IGFBP2: variants seen among roughly 807,000 people sequenced by gnomAD.
IGFBP2 encodes insulin-like growth factor-binding protein 2.
A neutral mutation model predicts 26.2 loss-of-function variants in IGFBP2; 12 were observed. That is an observed-to-expected ratio of 0.46 (90% CI 0.29 to 0.74). The LOEUF (loss-of-function observed/expected upper bound fraction) is 0.74. Ranked by LOEUF, IGFBP2 falls within the 30% of genes least tolerant of loss-of-function variation. The pLI is 0.09. For missense variants in IGFBP2, 328 were observed against 441.2 expected (o/e 0.74, Z 2.30); for synonymous variants, 189 against 200.6 (o/e 0.94, Z 0.49).
intron 1 of IGFBP2, among the ~76,000 whole-genome samples, chr2:216,644,279 A>AT (rs1178506515): frequency 6.6e-6 from 1 of 151,892 alleles, no homozygotes; most frequent in Non-Finnish European, 1.5e-5. Flanking sequence ...AGGAGGGAAG[A>AT]TTGGGGAGAA....
chr2:216,647,167 G>A lies in IGFBP2; in HGVS notation c.442+13202G>A, dbSNP rs1014480732. On this transcript the variant is annotated intron_variant, in intron 1 of 3. Coordinates refer to ENST00000233809, the MANE Select transcript of IGFBP2 (RefSeq NM_000597.3). ...ATGTTAAATAATGAAGTCCCTTCATGGTAAATAAAGTTATGAAAGTAAGAG... is the reference window on the plus strand; with the variant it reads ...ATGTTAAATAATGAAGTCCCTTCATAGTAAATAAAGTTATGAAAGTAAGAG... Among the ~76,000 whole-genome samples the A allele has an allele frequency of 2.6e-5, 4 of 152,090 alleles. No individual in the cohort carries two copies. The South Asian group carries it at 8.3e-4, about 32-fold the overall frequency.
chr2:216,634,468 G>A (rs1312756254), intron 1 of IGFBP2, among the ~76,000 whole-genome samples: 2 of 152,136 alleles, frequency 1.3e-5, no homozygotes, highest in African/African-American at 4.8e-5. Flanking sequence ...TCCTTCTACT[G>A]GGGTTGTGAG....
chr2:216,649,125 A>G (rs9341152), intron 1 of IGFBP2, among the ~76,000 whole-genome samples: 3,039 of 152,378 alleles, frequency 0.02, 49 homozygotes, highest in South Asian at 0.051. Flanking sequence ...ATCTATATGC[A>G]TATATATGAT....
intron 1 of IGFBP2, among the ~76,000 whole-genome samples, chr2:216,636,662 G>T (rs1271452006): frequency 6.6e-6 from 1 of 152,196 alleles, no homozygotes; most frequent in Non-Finnish European, 1.5e-5. Flanking sequence ...TGTGTTTGGT[G>T]GTGGAGTGGA....
At chr2:216,652,973 A>C (rs1697856854) in intron 1 of IGFBP2, among the ~76,000 whole-genome samples, 1 of 152,220 alleles carries the variant, frequency 6.6e-6, no homozygotes, top group African/African-American at 2.4e-5. Flanking sequence ...AGATTTTAAG[A>C]TAATCATGAG....
Position 216,664,028 on chromosome 2 carries a change from G to A in IGFBP2, c.902G>A (p.Arg301Gln), listed in dbSNP as rs765220501. The A allele has an allele frequency of 2.5e-6, 4 of 1,613,722 alleles. No homozygotes were observed. In the East Asian group the frequency reaches 8.9e-5, roughly 36 times the overall value. Reference sequence around the variant, plus strand: ...CTGATCCAGGGAGCCCCCACCATCCGGGGGGACCCCGAGTGTCATCTCTTC... The same window carrying A: ...CTGATCCAGGGAGCCCCCACCATCCAGGGGGACCCCGAGTGTCATCTCTTC... ...GKLIQGAPTI[R>Q]GDPECHLFYN... The change falls in exon 4 of 4, where the codon CGG (arginine) becomes CAG (glutamine). Residue 301 changes from arginine (R) to glutamine (Q), a missense_variant. Physicochemically the swap from Arg to Gln is conservative, Grantham distance 43. Transcript: ENST00000233809. This position sits in a 1 kb window ranked among gnomAD's most constrained non-coding sequence, Gnocchi z 4.6.
At position 216,664,112 on chromosome 2, in the gene IGFBP2, C is replaced by G. The variant is rs1180893087; in HGVS notation, c.*8C>G. 6.4e-7 allele frequency: 1 copy of G among 1,574,774 alleles called. No homozygotes were observed. Among genetic ancestry groups the G allele is most frequent in the Non-Finnish European group, 8.6e-7 (1 of 1,157,940 alleles). ...ACCCAGCGGATGCAGTAGACCGCAG[C>G]CAGCCGGTGCCTGGCGCCCCTGCCC... On this transcript the variant is annotated 3_prime_UTR_variant, in exon 4 of 4. Coordinates refer to ENST00000233809, the MANE Select transcript of IGFBP2 (RefSeq NM_000597.3). This position sits in a 1 kb window ranked among gnomAD's most constrained non-coding sequence, Gnocchi z 4.6.
chr2:216,634,090 G>A (rs1012863069), intron 1 of IGFBP2, 125 bp downstream of exon 1: 3 of 1,362,586 alleles, frequency 2.2e-6, no homozygotes, highest in African/African-American at 1.5e-5. Flanking sequence ...AAATCAAGGG[G>A]GACTGTTGCT....
intron 1 of IGFBP2, among the ~76,000 whole-genome samples, chr2:216,659,213 G>A (rs954801132): frequency 3.9e-5 from 6 of 152,226 alleles, no homozygotes; most frequent in Admixed American, 2.0e-4. Flanking sequence ...GGTGCTGCTG[G>A]AGTGCCAGCA....
In IGFBP2 at chr2:216,661,011, T is replaced by C. The variant is rs1296025617; in HGVS notation, c.672+225T>C. The C allele has an allele frequency of 8.7e-6, 5 of 572,852 alleles. No homozygotes were observed. In the Admixed American group the frequency reaches 1.3e-4, roughly 15 times the overall value. The allele number at this position is 572,852 out of a possible 1,614,324, so 35.5% of individuals were successfully genotyped here. A position where few individuals can be genotyped will look rare whatever the true frequency, so the allele number is the denominator to read the frequency against. On this transcript the variant is annotated intron_variant, in intron 2 of 3. Coordinates refer to ENST00000233809, the MANE Select transcript of IGFBP2 (RefSeq NM_000597.3). ...GTGGTTTCTTGATGTTCTTTCCTTC[T>C]AAAACCTTCACATTTCTGTATGGTT...
chr2:216,636,851 C>T (rs1030349593), intron 1 of IGFBP2, among the ~76,000 whole-genome samples: 11 of 146,142 alleles, frequency 7.5e-5, no homozygotes, highest in Admixed American at 1.4e-4. Context: ...CCGTTTGGCC[C>T]GCTGCACGTA....
At chr2:216,640,519 C>CGCATCTG (rs1697590899) in intron 1 of IGFBP2, among the ~76,000 whole-genome samples, 1 of 152,068 alleles carries the variant, frequency 6.6e-6, no homozygotes, top group Non-Finnish European at 1.5e-5. Flanking sequence ...TGGTGGTGCT[C>CGCATCTG]GCATCTGTCC....
rs369443531 is a variant in IGFBP2, at chr2:216,664,106, C to A, written c.*2C>A. Reference sequence around the variant, plus strand: ...GTGCACACCCAGCGGATGCAGTAGACCGCAGCCAGCCGGTGCCTGGCGCCC... The same window carrying A: ...GTGCACACCCAGCGGATGCAGTAGAACGCAGCCAGCCGGTGCCTGGCGCCC... On this transcript the variant is annotated 3_prime_UTR_variant, in exon 4 of 4. Transcript: ENST00000233809. The surrounding 1 kb of genome is among the most constrained non-coding windows in gnomAD (Gnocchi z 4.6). 19 of 1,583,728 alleles carry A rather than the reference C, an allele frequency of 1.2e-5. No individual in the cohort carries two copies. The East Asian group carries it at 1.4e-4, about 11-fold the overall frequency.
At chr2:216,646,856 G>C (rs1487068548) in intron 1 of IGFBP2, among the ~76,000 whole-genome samples, 1 of 152,174 alleles carries the variant, frequency 6.6e-6, no homozygotes, top group African/African-American at 2.4e-5. Flanking sequence ...TTCATGGTGA[G>C]ATTTGGGTGG....
At chr2:216,655,849 C>T (rs1697910276) in intron 1 of IGFBP2, among the ~76,000 whole-genome samples, 1 of 151,230 alleles carries the variant, frequency 6.6e-6, no homozygotes, top group Non-Finnish European at 1.5e-5. Context: ...GAGCCAAGAT[C>T]GTGCCACTGT....
intron 3 of IGFBP2, chr2:216,662,541 A>G (rs1372028866): frequency 6.3e-6 from 1 of 159,032 alleles, no homozygotes; most frequent in African/African-American, 2.4e-5. Context: ...AGCCATCTAG[A>G]ACACCATTGT....
chr2:216,633,240 A>G (rs1286569495), upstream of IGFBP2, among the ~76,000 whole-genome samples: 1 of 152,088 alleles, frequency 6.6e-6, no homozygotes, highest in Non-Finnish European at 1.5e-5. Flanking sequence ...GCCCGGGAAG[A>G]GCAGGGAACC....
At chr2:216,638,890 C>T (rs1052503364) in intron 1 of IGFBP2, among the ~76,000 whole-genome samples, 7 of 150,916 alleles carry the variant, frequency 4.6e-5, no homozygotes, top group African/African-American at 7.3e-5. Context: ...TTAGTAGAGA[C>T]GGGGTTTCAC....
At position 216,660,377 on chromosome 2, in the gene IGFBP2, G is replaced by A. The variant is rs1181848686; in HGVS notation, c.443-180G>A. ...CTAGTAGTACCCACCTAAGAGTTAG[G>A]GTGAAGCTGAAATTGATCATCCATA... On this transcript the variant is annotated intron_variant, in intron 1 of 3. Transcript: ENST00000233809. 2.6e-5 allele frequency among the ~76,000 whole-genome samples: 4 copies of A among 152,140 alleles called. No individual in the cohort carries two copies. The South Asian group carries it at 8.3e-4, about 32-fold the overall frequency.
Sources: gnomAD v4.1 joint callset for allele counts (sites outside exome capture counted in the v4.1 genomes callset) on GRCh38, gnomAD v4.1.1 for gene constraint, Gnocchi (gnomAD v3.1) non-coding constraint, MANE v1.5 for transcripts, NCBI Gene and HGNC (gene_info 2026-07-23, HGNC 2026-07-21) for gene names.